Variants in LRP1B observed in about 807,000 individuals in gnomAD.
The protein encoded by LRP1B is LDL receptor related protein 1B.
In LRP1B, 217 loss-of-function variants were observed where a neutral mutation model predicts 556.6. The observed-to-expected ratio is 0.39, with a 90% CI of 0.35 to 0.44. The LOEUF is 0.44. Among genes scored for constraint, LRP1B ranks in the 20% least tolerant of loss-of-function variants. The pLI is 1.00. For missense variants in LRP1B, 5,053 were observed against 5,620.8 expected (o/e 0.90, Z 3.23); for synonymous variants, 2,047 against 1,865.8 (o/e 1.10, Z -2.50).
intron 2 of LRP1B, among the ~76,000 whole-genome samples, chr2:141,753,263 C>CACATATATATATATATATATATATAT (rs1553459356): frequency 3.2e-5 from 2 of 62,502 alleles, no homozygotes; most frequent in African/African-American, 1.2e-4. Flanking sequence ...TCTCTCTCTC[C>CACATATATATATATATATATATATAT]ATATATATAT....
At chr2:141,888,823 T>C (rs1254173195) in intron 1 of LRP1B, among the ~76,000 whole-genome samples, 1 of 152,144 alleles carries the variant, frequency 6.6e-6, no homozygotes, top group Non-Finnish European at 1.5e-5. Flanking sequence ...GGAAATCAGG[T>C]AATGTGTTGA....
At chr2:141,913,728 C>G (rs1164503314) in intron 1 of LRP1B, among the ~76,000 whole-genome samples, 3 of 151,872 alleles carry the variant, frequency 2.0e-5, no homozygotes, top group Non-Finnish European at 4.4e-5. Context: ...CAATGGTATT[C>G]TGCTTAGAGT....
chr2:140,814,123 C>T (rs547472800), intron 31 of LRP1B, among the ~76,000 whole-genome samples: 5 of 152,194 alleles, frequency 3.3e-5, no homozygotes, highest in Admixed American at 2.0e-4. Flanking sequence ...TACAAATGTG[C>T]ACCACTATGC....
chr2:141,172,410 G>A (rs555560062), intron 7 of LRP1B, among the ~76,000 whole-genome samples: 5 of 152,066 alleles, frequency 3.3e-5, no homozygotes, highest in Admixed American at 6.6e-5. Context: ...GCTCAGTTAC[G>A]TTATGAAAAA....
chr2:141,623,644 G>A (rs1204136755), intron 2 of LRP1B, among the ~76,000 whole-genome samples: 1 of 152,116 alleles, frequency 6.6e-6, no homozygotes, highest in African/African-American at 2.4e-5. Context: ...TAACAAGCAA[G>A]CAAAATGATA....
Position 140,654,635 on chromosome 2 carries a change from T to C in LRP1B, c.6799+45615A>G, listed in dbSNP as rs563102526. ...GGGAACAGATGGGTTTTATTACTAA[T>C]TCAGAAGATTTTTTTTTCCCCGATA... On this transcript the variant is annotated intron_variant, in intron 41 of 90. Coordinates refer to ENST00000389484, the MANE Select transcript of LRP1B (RefSeq NM_018557.3). Among the ~76,000 whole-genome samples the C allele has an allele frequency of 9.2e-5, 14 of 152,290 alleles. No homozygotes were observed. In the East Asian group the frequency reaches 2.3e-3, roughly 25 times the overall value.
At chr2:141,814,752 G>C (rs1161193505) in intron 1 of LRP1B, among the ~76,000 whole-genome samples, 2 of 152,162 alleles carry the variant, frequency 1.3e-5, no homozygotes, top group Admixed American at 1.3e-4. Flanking sequence ...TGTAATTCAG[G>C]AGACTGGGTA....
intron 3 of LRP1B, among the ~76,000 whole-genome samples, chr2:141,294,939 T>A (rs1002313249): frequency 3.9e-5 from 6 of 152,100 alleles, no homozygotes; most frequent in African/African-American, 1.4e-4. Flanking sequence ...AAGGTAATAA[T>A]AATTTGTCAA....
rs1324564113 is a variant in LRP1B, at chr2:140,247,094, A to C, written c.13316T>G (p.Ile4439Ser). 2 of 1,608,260 alleles carry C rather than the reference A, an allele frequency of 1.2e-6. No homozygotes were observed. The highest frequency in any genetic ancestry group is 2.7e-5 in the African/African-American group (2 of 74,656). Reference protein sequence around the residue: ...PAPKSSKSDHISTRSIAIIVP... With the variant: ...PAPKSSKSDHSSTRSIAIIVP... Reference sequence around the variant, plus strand: ...TAATCTGAGAAACTTACTTGTGCTGATATGATCAGACTTGCTGCTCTTTGG... The same window carrying C: ...TAATCTGAGAAACTTACTTGTGCTGCTATGATCAGACTTGCTGCTCTTTGG... Residue 4439 changes from isoleucine to serine, a missense_variant, in exon 87 of 91, where the codon ATC becomes AGC. This residue lies in a region of LRP1B where 551 missense variants were observed against 592.0 expected (regional missense o/e 0.93). Coordinates refer to ENST00000389484, the MANE Select transcript of LRP1B (RefSeq NM_018557.3).
intron 1 of LRP1B, among the ~76,000 whole-genome samples, chr2:141,864,563 GA>G (rs11320074): frequency 0.28 from 40,810 of 143,982 alleles, 5,693 homozygotes; most frequent in African/African-American, 0.34. Context: ...AATCTTGAGG[GA>G]AAAAAAAAAA....
intron 74 of LRP1B, 47 bp from the exon 75 acceptor site, chr2:140,356,523 A>G: frequency 1.5e-6 from 2 of 1,350,614 alleles, no homozygotes; most frequent in Non-Finnish European, 2.1e-6. Context: ...CTAATTCCTG[A>G]AGTGGGGAGT....
At chr2:142,111,440 C>T (rs545376615) in intron 1 of LRP1B, among the ~76,000 whole-genome samples, 26 of 152,154 alleles carry the variant, frequency 1.7e-4, no homozygotes, top group Non-Finnish European at 2.9e-4. Context: ...CTGGATCCTG[C>T]GCATACATTT....
chr2:140,326,609 G>A (rs532200539), intron 79 of LRP1B, among the ~76,000 whole-genome samples: 9 of 152,086 alleles, frequency 5.9e-5, no homozygotes, highest in South Asian at 4.2e-4. Flanking sequence ...CAGCTACTCC[G>A]GAGGCTGAGG....
chr2:141,489,548 A>G (rs928669965), intron 2 of LRP1B, among the ~76,000 whole-genome samples: 1 of 151,984 alleles, frequency 6.6e-6, no homozygotes, highest in African/African-American at 2.4e-5. Flanking sequence ...AAATTAGTAT[A>G]TAATATAAAG....
At chr2:141,788,960 T>A (rs923292280) in intron 2 of LRP1B, among the ~76,000 whole-genome samples, 1 of 152,034 alleles carries the variant, frequency 6.6e-6, no homozygotes, top group African/African-American at 2.4e-5. Flanking sequence ...TGGTTCCAAG[T>A]CTTTGCTATT....
chr2:140,442,478 T>G (rs1686472525), intron 66 of LRP1B, 26 bp downstream of exon 66: 2 of 1,600,876 alleles, frequency 1.2e-6, no homozygotes, highest in Non-Finnish European at 1.7e-6. Flanking sequence ...TACGGAGAGA[T>G]AAGACCCAGA....
At chr2:141,437,677 G>C (rs1680812767) in intron 3 of LRP1B, among the ~76,000 whole-genome samples, 1 of 151,652 alleles carries the variant, frequency 6.6e-6, no homozygotes, top group African/African-American at 2.4e-5. Context: ...AACTGCATTG[G>C]TATTGAGAAT....
In LRP1B at chr2:140,358,163, A is replaced by T. The variant is rs1326954302; in HGVS notation, c.11258-47T>A. On this transcript the variant is annotated intron_variant, in intron 73 of 90. Coordinates refer to ENST00000389484, the MANE Select transcript of LRP1B (RefSeq NM_018557.3). ...GATTAGTGCTTCACAGAATCAAAAC[A>T]CTCTTATTGAGCATGTAATAGCTCC... The T allele has an allele frequency of 2.6e-6, 4 of 1,553,394 alleles. No individual in the cohort carries two copies. In the East Asian group the frequency reaches 9.0e-5, roughly 35 times the overall value.
intron 31 of LRP1B, among the ~76,000 whole-genome samples, chr2:140,824,204 A>G (rs1341862437): frequency 1.3e-5 from 2 of 152,144 alleles, no homozygotes; most frequent in African/African-American, 2.4e-5. Flanking sequence ...ATAAGCTATT[A>G]AATATATTTT....
Sources: allele counts gnomAD v4.1 joint callset (sites outside exome capture counted in the v4.1 genomes callset), GRCh38; gene constraint gnomAD v4.1.1; regional missense constraint gnomAD v4.1.1; transcripts MANE v1.5; gene names NCBI Gene and HGNC (gene_info 2026-07-23, HGNC 2026-07-21).